FERMT1: variants seen among roughly 807,000 people sequenced by gnomAD.
The protein encoded by FERMT1 is fermitin family homolog 1.
FERMT1 carries 60 observed loss-of-function variants against 85.3 expected under a neutral mutation model. The ratio of observed to expected loss-of-function variants is 0.70; its 90% CI spans 0.57 to 0.87. FERMT1 has a LOEUF of 0.87. Ranked by LOEUF, FERMT1 falls within the 40% of genes least tolerant of loss-of-function variation. The probability of loss-of-function intolerance (pLI) is 0.00; values close to 1 mark genes in which losing one functional copy is unlikely to be tolerated. For missense variants in FERMT1, 701 were observed against 818.9 expected (o/e 0.86, Z 1.76); for synonymous variants, 275 against 301.1 (o/e 0.91, Z 0.90).
At chr20:6,110,268 A>T in intron 5 of FERMT1, 30 bp downstream of exon 5, 1 of 1,566,404 alleles carries the variant, frequency 6.4e-7, no homozygotes, top group Non-Finnish European at 8.8e-7. Flanking sequence ...GCACTAGCTC[A>T]GAGAGAAGTA....
chr20:6,077,254 A>T lies in FERMT1; in HGVS notation c.1953T>A (p.Ile651=). ...KIVHEYIGGY[I]FLSTRSKDQN... ...GGTCCTTGGAGCGGGTGGACAAGAA[A>T]ATGTAGCCGCCAATGTACTCGTGCA... The change falls in exon 15 of 15, where the codon ATT becomes ATA. Residue 651 remains isoleucine (I), a synonymous_variant. Coordinates refer to ENST00000217289, the MANE Select transcript of FERMT1 (RefSeq NM_017671.5). The T allele has an allele frequency of 1.9e-6, 3 of 1,614,172 alleles. No individual in the cohort carries two copies. Among genetic ancestry groups the T allele is most frequent in the Non-Finnish European group, 2.5e-6 (3 of 1,180,026 alleles).
In FERMT1 at chr20:6,077,215, G is replaced by A. The variant is rs184046854; in HGVS notation, c.1992C>T (p.Leu664=). 45 of 1,614,152 alleles carry A rather than the reference G, an allele frequency of 2.8e-5. No individual in the cohort carries two copies. In the East Asian group the frequency reaches 5.8e-4, roughly 21 times the overall value. ...TCAATTTGTGGAACAAGTCCTCATC[G>A]AGTGTTTCATTCTGGTCCTTGGAGC... is the stretch of plus-strand genomic sequence containing the variant. ...STRSKDQNET[L]DEDLFHKLTG... Residue 664 remains leucine (L), a synonymous_variant, in exon 15 of 15, where the codon CTC becomes CTT. Transcript: ENST00000217289.
intron 6 of FERMT1, among the ~76,000 whole-genome samples, chr20:6,105,067 ACTCACAGCGTGT>A (rs1460351799): frequency 1.3e-5 from 2 of 152,066 alleles, no homozygotes; most frequent in African/African-American, 4.8e-5. Context: ...GGAAAGCCTG[ACTCACAGCGTGT>A]GGGGTGAGGG....
At position 6,116,030 on chromosome 20, in the gene FERMT1, A is replaced by T. The variant is rs756108637; in HGVS notation, c.166T>A (p.Trp56Arg). The T allele has an allele frequency of 2.4e-5, 39 of 1,613,844 alleles. No individual in the cohort carries two copies. The highest frequency in any genetic ancestry group is 3.3e-5 in the Non-Finnish European group (39 of 1,179,744). The change falls in exon 3 of 15, where the codon TGG (tryptophan) becomes AGG (arginine). Residue 56 changes from tryptophan (W) to arginine (R), a missense_variant. Trp to Arg is a moderately radical substitution (Grantham distance 101). Transcript: ENST00000217289. ...TCCCACCAAAGAGCAAAGTCTGACC[A>T]GTCTTGGGATATATCTGCAAAAATG... Reference protein sequence around the residue: ...LVEQINISQDWSDFALWWEQK... With the variant: ...LVEQINISQDRSDFALWWEQK...
At chr20:6,117,833 T>C (rs942165568) in intron 2 of FERMT1, among the ~76,000 whole-genome samples, 2 of 149,214 alleles carry the variant, frequency 1.3e-5, no homozygotes, top group African/African-American at 5.0e-5. Context: ...AGGAAATTTT[T>C]GTATTTTTAG....
intron 9 of FERMT1, among the ~76,000 whole-genome samples, chr20:6,092,410 G>T (rs1192186024): frequency 6.6e-6 from 1 of 152,128 alleles, no homozygotes; most frequent in Non-Finnish European, 1.5e-5. Context: ...AGGCATGGTG[G>T]CACATGCCTG....
At chr20:6,108,135 G>C (rs1251369250) in intron 5 of FERMT1, among the ~76,000 whole-genome samples, 1 of 152,170 alleles carries the variant, frequency 6.6e-6, no homozygotes, top group African/African-American at 2.4e-5. Context: ...CAATGTGCTG[G>C]GATTACAGGC....
chr20:6,107,011 T>C (rs890053496), intron 6 of FERMT1, among the ~76,000 whole-genome samples: 2 of 151,874 alleles, frequency 1.3e-5, no homozygotes, highest in African/African-American at 4.8e-5. Context: ...ACCTGGCCAA[T>C]ATAGTGAAAC....
At chr20:6,102,693 A>G (rs1303172069) in intron 6 of FERMT1, among the ~76,000 whole-genome samples, 1 of 145,046 alleles carries the variant, frequency 6.9e-6, no homozygotes, top group African/African-American at 2.5e-5. Flanking sequence ...AAAAAAAAAA[A>G]AAAAAAAAGA....
chr20:6,118,966 G>A (rs1259378474), intron 2 of FERMT1, among the ~76,000 whole-genome samples: 5 of 142,792 alleles, frequency 3.5e-5, no homozygotes, highest in African/African-American at 1.1e-4. Context: ...TTTTTCCCCC[G>A]ACACCGAGTC....
At chr20:6,078,155 T>A (rs1981885605) in intron 14 of FERMT1, among the ~76,000 whole-genome samples, 1 of 152,252 alleles carries the variant, frequency 6.6e-6, no homozygotes, top group South Asian at 2.1e-4. Flanking sequence ...AAATTACTAA[T>A]GGTTCGTTCC....
chr20:6,118,572 T>C (rs970908252), intron 2 of FERMT1, among the ~76,000 whole-genome samples: 1 of 152,162 alleles, frequency 6.6e-6, no homozygotes, highest in African/African-American at 2.4e-5. Flanking sequence ...AAAAAAACTA[T>C]CTTGCTAGAG....
chr20:6,089,052 AAT>A lies in FERMT1; in HGVS notation c.1175_1176del (p.Tyr392LeufsTer5), dbSNP rs1245276712. The A allele has an allele frequency of 1.9e-6, 3 of 1,612,444 alleles. No individual in the cohort carries two copies. The African/African-American group carries it at 4.0e-5, about 22-fold the overall frequency. On this transcript the variant is annotated frameshift_variant, in exon 10 of 15. Transcript: ENST00000217289. LOFTEE classifies it high-confidence loss of function. ...ATGGATGTGTCTTTAAAGATAAACCAATATTGTTTGAAAGCTTTTGGTAGTAA... is the reference window on the plus strand; with the variant it reads ...ATGGATGTGTCTTTAAAGATAAACCAATTGTTTGAAAGCTTTTGGTAGTAA... ...KKLLPKAFKQ[Y>X]WFIFKDTSIA...
chr20:6,080,715 A>G (rs765333458), intron 13 of FERMT1, among the ~76,000 whole-genome samples: 4 of 152,212 alleles, frequency 2.6e-5, no homozygotes, highest in South Asian at 4.1e-4. Context: ...AATGACTCCA[A>G]AGGATTTGGC....
chr20:6,092,943 T>C (rs1444530117), intron 9 of FERMT1, among the ~76,000 whole-genome samples: 1 of 152,094 alleles, frequency 6.6e-6, no homozygotes, highest in Non-Finnish European at 1.5e-5. Flanking sequence ...ATTAATTCTG[T>C]ATTTATAATT....
At chr20:6,093,351 G>T (rs945259076) in intron 9 of FERMT1, among the ~76,000 whole-genome samples, 3 of 152,106 alleles carry the variant, frequency 2.0e-5, no homozygotes, top group African/African-American at 4.8e-5. Context: ...GGCCAAATAT[G>T]AGGGCAATTT....
intron 6 of FERMT1, among the ~76,000 whole-genome samples, chr20:6,102,679 G>GAAAA (rs769578429): frequency 0.035 from 1,768 of 50,682 alleles, 129 homozygotes; most frequent in African/African-American, 0.12. Flanking sequence ...TGTGTCTCAA[G>GAAAA]AAAAAAAAAA....
At chr20:6,080,763 T>C (rs6053887) in intron 13 of FERMT1, among the ~76,000 whole-genome samples, 66,518 of 152,006 alleles carry the variant, frequency 0.44, 15,605 homozygotes, top group East Asian at 0.65. Flanking sequence ...TCTACTGAGA[T>C]GAAGAAGTAT....
In FERMT1 at chr20:6,102,679, GA is replaced by G. The variant is rs769578429; in HGVS notation, c.849+4852del. Among the ~76,000 whole-genome samples, 351 of 50,762 alleles carry G rather than the reference GA, an allele frequency of 6.9e-3. 1 individual carries two copies. The highest frequency in any genetic ancestry group is 0.019 in the African/African-American group (276 of 14,692). 33.3% of individuals were successfully genotyped at this position (50,762 alleles called of 152,430 possible). On this transcript the variant is annotated intron_variant, in intron 6 of 14. Transcript: ENST00000217289. ...GTGACAGAGTGAAACTGTGTCTCAAGAAAAAAAAAAAAAAAAAAAAAAGAAA... is the reference window on the plus strand; with the variant it reads ...GTGACAGAGTGAAACTGTGTCTCAAGAAAAAAAAAAAAAAAAAAAAAGAAA...
Sources: gnomAD v4.1 joint callset for allele counts (sites outside exome capture counted in the v4.1 genomes callset) on GRCh38, gnomAD v4.1.1 for gene constraint, MANE v1.5 for transcripts, NCBI Gene and HGNC (gene_info 2026-07-23, HGNC 2026-07-21) for gene names.